SRP72: variants seen among roughly 807,000 people sequenced by gnomAD.
SRP72 encodes signal recognition particle 72, also known as signal recognition particle subunit SRP72.
A neutral mutation model predicts 96.3 loss-of-function variants in SRP72; 49 were observed. That is an observed-to-expected ratio of 0.51 (90% CI 0.40 to 0.65). The LOEUF is 0.65. Ranked by LOEUF, SRP72 falls within the 30% of genes least tolerant of loss-of-function variation. The pLI, the probability that SRP72 is intolerant of heterozygous loss-of-function variation, is 0.00. For missense variants in SRP72, 736 were observed against 793.3 expected, an observed-to-expected ratio of 0.93 and a Z score of 0.87; for synonymous variants, 267 against 275.2, an observed-to-expected ratio of 0.97 and a Z score of 0.30.
In SRP72 at chr4:56,489,483, G is replaced by T; in HGVS notation, c.1320G>T (p.Gln440His). 6.4e-7 allele frequency: 1 copy of T among 1,557,472 alleles called. No homozygotes were observed. The highest frequency in any genetic ancestry group is 8.8e-7 in the Non-Finnish European group (1 of 1,137,472). Residue 440 changes from glutamine to histidine, a missense_variant and splice_region_variant, in exon 13 of 19, where the codon CAG (glutamine) becomes CAT (histidine). By Grantham distance (24) the Gln-to-His change is conservative. Around this residue, in one of 3 missense-constraint regions of SRP72, gnomAD observed 388 missense variants for 431.8 expected, o/e 0.90. Coordinates refer to ENST00000642900, the MANE Select transcript of SRP72 (RefSeq NM_006947.4). Reference protein sequence around the residue: ...TQAIQWYQNHQPKSPAHLSLI... With the variant: ...TQAIQWYQNHHPKSPAHLSLI... ...CTATCCAGTGGTATCAAAACCATCA[G>T]GTAAATAAATGGAGTAAAATGTTAT...
chr4:56,489,577 T>A, intron 13 of SRP72, 94 bp downstream of exon 13: 1 of 603,638 alleles, frequency 1.7e-6, no homozygotes, highest in Non-Finnish European at 2.8e-6. Flanking sequence ...GTATTACACG[T>A]CACTATTTTA....
chr4:56,483,394 AT>A, intron 9 of SRP72, 124 bp downstream of exon 9: 14 of 966,478 alleles, frequency 1.4e-5, no homozygotes, highest in East Asian at 3.0e-5. Flanking sequence ...TCATAAATAT[AT>A]TTTTTTGCCT....
At position 56,478,628 on chromosome 4, in the gene SRP72, T is replaced by A; in HGVS notation, c.804T>A (p.Asn268Lys). Residue 268 changes from asparagine (N) to lysine (K), a missense_variant, in exon 8 of 19, where the codon AAT (asparagine) becomes AAA (lysine). This residue lies in a region of SRP72 where 19 missense variants were observed against 42.5 expected (regional missense o/e 0.45). Coordinates refer to ENST00000642900, the MANE Select transcript of SRP72 (RefSeq NM_006947.4). ...TGGGATTACTAGCTGTAATTGCAAA[T>A]AACATCATTACCATTAACAAGGTAT... ...TDVGLLAVIA[N>K]NIITINKDQN... 1 of 1,614,016 alleles carries A rather than the reference T, an allele frequency of 6.2e-7. No individual in the cohort carries two copies. Among genetic ancestry groups the A allele is most frequent in the Non-Finnish European group, 8.5e-7 (1 of 1,179,948 alleles).
intron 4 of SRP72, 38 bp from the exon 5 acceptor site, chr4:56,474,242 C>T: frequency 1.2e-6 from 2 of 1,613,120 alleles, no homozygotes; most frequent in Non-Finnish European, 1.7e-6. Flanking sequence ...AATTATTATT[C>T]ATATTTAGTA....
chr4:56,483,334 G>T, intron 9 of SRP72, 64 bp downstream of exon 9: 2 of 1,437,346 alleles, frequency 1.4e-6, no homozygotes, highest in South Asian at 1.3e-5. Context: ...GGAGTAATAG[G>T]GATATTAGTC....
chr4:56,483,295 G>A (rs765840080), intron 9 of SRP72, 25 bp downstream of exon 9: 2 of 1,605,606 alleles, frequency 1.2e-6, no homozygotes, highest in East Asian at 2.2e-5. Context: ...TTGGTGTCAT[G>A]GCTAAACCTT....
At chr4:56,495,418 T>C (rs777189773) in intron 17 of SRP72, 24 bp downstream of exon 17, 1 of 1,435,262 alleles carries the variant, frequency 7.0e-7, no homozygotes, top group South Asian at 1.2e-5. Flanking sequence ...AAAGTCTTTA[T>C]AAATTTTCTC....
At chr4:56,477,276 T>G (rs2110116343) in intron 6 of SRP72, 1 of 150,500 alleles carries the variant, frequency 6.6e-6, no homozygotes. Context: ...TCTTTTCACA[T>G]TCATAGTTCT....
At chr4:56,469,975 T>A (rs1719905487) in intron 2 of SRP72, among the ~76,000 whole-genome samples, 1 of 97,208 alleles carries the variant, frequency 1.0e-5, no homozygotes, top group East Asian at 3.0e-4. Flanking sequence ...TTAGAGAGTT[T>A]TTTTTTTTTT....
chr4:56,490,523 C>G, intron 14 of SRP72, 45 bp from the exon 15 acceptor site: 1 of 1,599,204 alleles, frequency 6.3e-7, no homozygotes, highest in Middle Eastern at 1.7e-4. Flanking sequence ...ATTACTTTCT[C>G]CAGTTTTATA....
chr4:56,499,617 CTCA>C (rs1351390353), intron 17 of SRP72, among the ~76,000 whole-genome samples: 4 of 152,170 alleles, frequency 2.6e-5, no homozygotes, highest in Admixed American at 2.6e-4. Context: ...TGAAAAAAAG[CTCA>C]TCATCACTGG....
chr4:56,474,538 CTCTCT>C, intron 5 of SRP72, 147 bp downstream of exon 5: 1 of 734,486 alleles, frequency 1.4e-6, no homozygotes, highest in South Asian at 1.9e-5. Context: ...TCGTCTTTCT[CTCTCT>C]TTTTTTTTTT....
At chr4:56,497,910 G>A (rs977365121) in intron 17 of SRP72, among the ~76,000 whole-genome samples, 1 of 152,084 alleles carries the variant, frequency 6.6e-6, no homozygotes, top group Non-Finnish European at 1.5e-5. Flanking sequence ...TTTTTAATTA[G>A]TGAGGGTGAA....
chr4:56,479,246 C>G (rs1720373421), intron 8 of SRP72, among the ~76,000 whole-genome samples: 1 of 152,128 alleles, frequency 6.6e-6, no homozygotes, highest in Non-Finnish European at 1.5e-5. Flanking sequence ...GTGACACGAT[C>G]TCGGCTCACT....
intron 13 of SRP72, 75 bp downstream of exon 13, chr4:56,489,558 G>A: frequency 3.6e-6 from 3 of 835,668 alleles, no homozygotes; most frequent in Non-Finnish European, 5.6e-6. Flanking sequence ...AAAAAATTCA[G>A]GCAAACAAGT....
chr4:56,492,803 A>G (rs1720952100), intron 16 of SRP72, among the ~76,000 whole-genome samples: 1 of 151,964 alleles, frequency 6.6e-6, no homozygotes, highest in East Asian at 1.9e-4. Context: ...TTCTTCCCCA[A>G]ACAGGGTTGA....
At chr4:56,483,356 T>C in intron 9 of SRP72, 86 bp downstream of exon 9, 1 of 1,352,698 alleles carries the variant, frequency 7.4e-7, no homozygotes, top group Non-Finnish European at 1.0e-6. Context: ...AATCTTTTTA[T>C]AGTTTTTGTT....
In SRP72 at chr4:56,501,917, A is replaced by T; in HGVS notation, c.*56A>T. ...AACTAGTGTCAGTGACACTAGGAATATAATAAAGGTAACACAGCAAGAAGC... is the reference window on the plus strand; with the variant it reads ...AACTAGTGTCAGTGACACTAGGAATTTAATAAAGGTAACACAGCAAGAAGC... On this transcript the variant is annotated 3_prime_UTR_variant, in exon 19 of 19. Coordinates refer to ENST00000642900, the MANE Select transcript of SRP72 (RefSeq NM_006947.4). 4.5e-6 allele frequency: 7 copies of T among 1,560,532 alleles called. No individual in the cohort carries two copies. The highest frequency in any genetic ancestry group is 5.3e-6 in the Non-Finnish European group (6 of 1,133,128).
intron 8 of SRP72, among the ~76,000 whole-genome samples, chr4:56,482,511 A>G (rs113634498): frequency 0.031 from 4,735 of 152,262 alleles, 166 homozygotes; most frequent in East Asian, 0.19. Flanking sequence ...ATAGACAACA[A>G]TATAGTGTAA....
Sources: gnomAD v4.1 joint callset for allele counts (sites outside exome capture counted in the v4.1 genomes callset) on GRCh38, gnomAD v4.1.1 for gene constraint, gnomAD v4.1.1 regional missense constraint, MANE v1.5 for transcripts, NCBI Gene and HGNC (gene_info 2026-07-23, HGNC 2026-07-21) for gene names.